Variants in TULP4 observed in about 807,000 individuals in gnomAD.
TULP4 encodes the protein TUB like protein 4.
In TULP4, 16 loss-of-function variants were observed where a neutral mutation model predicts 129.0. The ratio of observed to expected loss-of-function variants is 0.12; its 90% CI spans 0.08 to 0.19. The LOEUF (loss-of-function observed/expected upper bound fraction) is 0.19. TULP4 is among the 10% of genes least tolerant of loss of function. The pLI is 1.00. For missense variants in TULP4, 1,842 were observed against 2,059.1 expected, an observed-to-expected ratio of 0.89 and a Z score of 2.04; for synonymous variants, 998 against 854.0, an observed-to-expected ratio of 1.17 and a Z score of -2.94.
intron 1 of TULP4, among the ~76,000 whole-genome samples, chr6:158,359,634 T>C (rs561913425): frequency 2.0e-5 from 3 of 152,212 alleles, no homozygotes; most frequent in Admixed American, 1.3e-4. Flanking sequence ...CCCACCCGGA[T>C]TGAGGGTGGG....
chr6:158,487,804 A>G (rs1780106685), intron 8 of TULP4, among the ~76,000 whole-genome samples: 1 of 152,238 alleles, frequency 6.6e-6, no homozygotes, highest in Non-Finnish European at 1.5e-5. Context: ...GTTTTCAGAA[A>G]GCCATTTTCT....
At chr6:158,453,862 A>C (rs1199682587) in intron 5 of TULP4, among the ~76,000 whole-genome samples, 1 of 150,894 alleles carries the variant, frequency 6.6e-6, no homozygotes, top group Admixed American at 6.6e-5. Flanking sequence ...CTGAGGCAGG[A>C]GAATCGCTTG....
Position 158,493,514 on chromosome 6 carries a change from G to A in TULP4, c.1632-59G>A. The A allele has an allele frequency of 7.0e-7, 1 of 1,420,360 alleles. No individual in the cohort carries two copies. The highest frequency in any genetic ancestry group is 9.2e-7 in the Non-Finnish European group (1 of 1,083,728). The allele number at this position is 1,420,360 out of a possible 1,614,324, so 88.0% of individuals were successfully genotyped here. On this transcript the variant is annotated intron_variant, in intron 9 of 13. Coordinates refer to ENST00000367097, the MANE Select transcript of TULP4 (RefSeq NM_020245.5). The surrounding 1 kb of genome is among the most constrained non-coding windows in gnomAD (Gnocchi z 4.4). The stretch of plus-strand genomic sequence containing the variant: ...GAAAAAGAAAGGACTGCTGGAGTCA[G>A]GGCCATGCTCACCATTCCCGCCACG...
chr6:158,360,270 G>T (rs996471376), intron 1 of TULP4, among the ~76,000 whole-genome samples: 2 of 152,092 alleles, frequency 1.3e-5, no homozygotes, highest in African/African-American at 2.4e-5. Flanking sequence ...GGTGTAGCAC[G>T]ATGCACTCTT....
intron 1 of TULP4, among the ~76,000 whole-genome samples, chr6:158,326,112 TG>T (rs2128489674): frequency 1.3e-5 from 2 of 152,350 alleles, no homozygotes; most frequent in South Asian, 4.1e-4. Flanking sequence ...TATTATTCAG[TG>T]TTTACACTGT....
chr6:158,506,398 AT>A, intron 13 of TULP4, among the ~76,000 whole-genome samples, 179 bp from the exon 14 acceptor site: 1 of 151,348 alleles, frequency 6.6e-6, no homozygotes, highest in East Asian at 1.9e-4. Flanking sequence ...CGCCCGGCTA[AT>A]TTTTTGTATT....
At chr6:158,437,626 G>A (rs566014465) in intron 3 of TULP4, among the ~76,000 whole-genome samples, 1 of 152,222 alleles carries the variant, frequency 6.6e-6, no homozygotes, top group South Asian at 2.1e-4. Flanking sequence ...GATATTAAGG[G>A]ATGAAAAATG....
chr6:158,325,422 G>T (rs949031489), intron 1 of TULP4, among the ~76,000 whole-genome samples: 5 of 144,214 alleles, frequency 3.5e-5, no homozygotes, highest in African/African-American at 1.3e-4. Flanking sequence ...GTTGAATCTC[G>T]GCTCACTGCA....
chr6:158,326,863 G>T (rs1267219800), intron 1 of TULP4, among the ~76,000 whole-genome samples: 2 of 152,132 alleles, frequency 1.3e-5, no homozygotes, highest in Non-Finnish European at 2.9e-5. Context: ...CTTATATGTG[G>T]AATTTTTTCA....
intron 1 of TULP4, among the ~76,000 whole-genome samples, chr6:158,366,765 G>A (rs915205259): frequency 2.0e-5 from 3 of 152,182 alleles, no homozygotes; most frequent in Admixed American, 6.5e-5. Context: ...TGAGTGATAC[G>A]TAAAACCTGA....
At chr6:158,415,672 TAA>T (rs780644785) in intron 2 of TULP4, among the ~76,000 whole-genome samples, 7 of 139,806 alleles carry the variant, frequency 5.0e-5, no homozygotes, top group African/African-American at 8.0e-5. Flanking sequence ...TTCTACTTAT[TAA>T]AAAAAAAAAA....
intron 1 of TULP4, among the ~76,000 whole-genome samples, chr6:158,262,626 A>G (rs1364243582): frequency 6.6e-6 from 1 of 152,150 alleles, no homozygotes; most frequent in Admixed American, 6.6e-5. Flanking sequence ...CCCTCCCTGC[A>G]TTCTGTTATC....
rs552399409 is a variant in TULP4, at chr6:158,238,253, A to G, written n.68+5950A>G. 7.1e-6 allele frequency: 8 copies of G among 1,123,850 alleles called. No individual in the cohort carries two copies. In the Admixed American group the frequency reaches 1.0e-4, roughly 14 times the overall value. The allele number at this position is 1,123,850 out of a possible 1,614,324, so 69.6% of individuals were successfully genotyped here. On this transcript the variant is annotated intron_variant and non_coding_transcript_variant, in intron 1 of 1. Coordinates refer to the TULP4 transcript ENST00000620026. Reference sequence around the variant, plus strand: ...TTGATGCTGATCTGAAAATTCCTGAAGCAGCTCTATTGCTTTTGTGTGCTG... The same window carrying G: ...TTGATGCTGATCTGAAAATTCCTGAGGCAGCTCTATTGCTTTTGTGTGCTG...
chr6:158,273,144 A>C (rs756897571), intron 1 of TULP4, among the ~76,000 whole-genome samples: 2 of 152,230 alleles, frequency 1.3e-5, no homozygotes, highest in Non-Finnish European at 2.9e-5. Flanking sequence ...CAGTGTTGCC[A>C]GTGAAAGTTA....
intron 1 of TULP4, among the ~76,000 whole-genome samples, chr6:158,233,134 C>T (rs1283616984): frequency 6.6e-6 from 1 of 152,154 alleles, no homozygotes; most frequent in East Asian, 1.9e-4. Context: ...TGGAAGGAAA[C>T]GAGGGTGACA....
intron 2 of TULP4, among the ~76,000 whole-genome samples, chr6:158,426,217 C>T (rs189075278): frequency 6.6e-6 from 1 of 152,232 alleles, no homozygotes; most frequent in Non-Finnish European, 1.5e-5. Flanking sequence ...TTCTGAAGCT[C>T]TTTAGTTCAA....
Position 158,509,821 on chromosome 6 carries a change from T to C in TULP4, c.*3127T>C, listed in dbSNP as rs1349255104. 6.6e-6 allele frequency: 1 copy of C among 152,246 alleles called. No homozygotes were observed. The highest frequency in any genetic ancestry group is 2.4e-5 in the African/African-American group (1 of 41,468). The allele number at this position is 152,246 out of a possible 1,614,324, so 9.4% of individuals were successfully genotyped here. ...ACACAAGCTGCGGGCTGTGCGGTCC[T>C]AGTAGTGTGACGTTTCAGTTAATAG... On this transcript the variant is annotated 3_prime_UTR_variant, in exon 14 of 14. Coordinates refer to ENST00000367097, the MANE Select transcript of TULP4 (RefSeq NM_020245.5).
chr6:158,367,138 T>C lies in TULP4; in HGVS notation c.253-45927T>C, dbSNP rs1776936173. Among the ~76,000 whole-genome samples, 4 of 152,320 alleles carry C rather than the reference T, an allele frequency of 2.6e-5. No homozygotes were observed. The South Asian group carries it at 8.3e-4, about 32-fold the overall frequency. ...GGGAATGGAGTTGGCCACTGTCACC[T>C]CTTTTCTTTCTCAGTACCCACCTGC... On this transcript the variant is annotated intron_variant, in intron 1 of 13. Coordinates refer to ENST00000367097, the MANE Select transcript of TULP4 (RefSeq NM_020245.5).
intron 6 of TULP4, among the ~76,000 whole-genome samples, chr6:158,467,572 C>T (rs629405): frequency 0.42 from 63,570 of 152,088 alleles, 14,596 homozygotes; most frequent in African/African-American, 0.62. Context: ...TGAGCCACCG[C>T]GCCCTGCCTG....
Sources: gnomAD v4.1 joint callset for allele counts (sites outside exome capture counted in the v4.1 genomes callset) on GRCh38, gnomAD v4.1.1 for gene constraint, Gnocchi (gnomAD v3.1) non-coding constraint, MANE v1.5 for transcripts, NCBI Gene and HGNC (gene_info 2026-07-23, HGNC 2026-07-21) for gene names.